EPC2: variants seen among roughly 807,000 people sequenced by gnomAD.
EPC2 encodes the protein enhancer of polycomb homolog 2.
A neutral mutation model predicts 92.1 loss-of-function variants in EPC2; 14 were observed. The ratio of observed to expected loss-of-function variants is 0.15; its 90% CI spans 0.10 to 0.24. EPC2 has a LOEUF of 0.24. Ranked by LOEUF, EPC2 falls within the 10% of genes least tolerant of loss-of-function variation. EPC2 has a pLI of 1.00. For missense variants in EPC2, 755 were observed against 971.5 expected (o/e 0.78, Z 2.96); for synonymous variants, 340 against 334.7 (o/e 1.02, Z -0.17).
chr2:148,656,403 AAAAT>A (rs61565538), intron 1 of EPC2, among the ~76,000 whole-genome samples: 26,646 of 152,020 alleles, frequency 0.18, 3,095 homozygotes, highest in East Asian at 0.48. Flanking sequence ...TTAATTATTA[AAAAT>A]GTGACTTGTC....
chr2:148,691,934 T>C, intron 2 of EPC2: 1 of 426,124 alleles, frequency 2.3e-6, no homozygotes, highest in Non-Finnish European at 4.5e-6. Context: ...CTTTTTTCTT[T>C]CTTATGGTAT....
At chr2:148,652,048 A>G (rs1174836697) in intron 1 of EPC2, among the ~76,000 whole-genome samples, 1 of 152,186 alleles carries the variant, frequency 6.6e-6, no homozygotes, top group Non-Finnish European at 1.5e-5. Context: ...TTACTGTTCT[A>G]TCATTTATTT....
chr2:148,679,176 A>G (rs1681339442), intron 1 of EPC2, among the ~76,000 whole-genome samples: 2 of 152,216 alleles, frequency 1.3e-5, no homozygotes, highest in Admixed American at 6.5e-5. Flanking sequence ...ATATGCTGCC[A>G]TTTAGCTCAG....
chr2:148,781,885 T>G (rs1488528189), intron 11 of EPC2, 105 bp downstream of exon 11: 12 of 1,337,058 alleles, frequency 9.0e-6, no homozygotes, highest in Admixed American at 4.5e-5. Context: ...TTGCCACTCT[T>G]GATTTGGGGT....
intron 3 of EPC2, among the ~76,000 whole-genome samples, chr2:148,750,957 C>G (rs1383689229): frequency 1.3e-5 from 2 of 152,126 alleles, no homozygotes; most frequent in Non-Finnish European, 2.9e-5. Flanking sequence ...TTGTCCTACT[C>G]TGCCCTGTAT....
intron 13 of EPC2, among the ~76,000 whole-genome samples, chr2:148,785,851 A>C (rs1242553712): frequency 3.3e-5 from 5 of 152,182 alleles, no homozygotes; most frequent in Admixed American, 6.5e-5. Flanking sequence ...ATGAATCAGA[A>C]AAAAATTGAT....
chr2:148,785,985 GA>G (rs961544392), intron 13 of EPC2, among the ~76,000 whole-genome samples: 7 of 144,890 alleles, frequency 4.8e-5, no homozygotes, highest in Admixed American at 6.9e-5. Flanking sequence ...CATCTCTCGA[GA>G]AAAAAAAAAG....
At chr2:148,708,989 G>A (rs1251698262) in intron 2 of EPC2, among the ~76,000 whole-genome samples, 1 of 152,110 alleles carries the variant, frequency 6.6e-6, no homozygotes, top group African/African-American at 2.4e-5. Flanking sequence ...TGGAAGTTCT[G>A]GCCAGGGCAG....
At chr2:148,691,567 G>C (rs1681644509) in intron 2 of EPC2, 1 of 1,550,510 alleles carries the variant, frequency 6.4e-7, no homozygotes, top group Non-Finnish European at 8.7e-7. Flanking sequence ...AATTGCTGTT[G>C]TTCAGGATTG....
At chr2:148,679,483 A>G (rs1175454440) in intron 1 of EPC2, among the ~76,000 whole-genome samples, 1 of 152,212 alleles carries the variant, frequency 6.6e-6, no homozygotes, top group Non-Finnish European at 1.5e-5. Flanking sequence ...GCAAGGTGAC[A>G]TTGTATATTT....
chr2:148,660,965 T>C (rs1680920701), intron 1 of EPC2, among the ~76,000 whole-genome samples: 1 of 152,124 alleles, frequency 6.6e-6, no homozygotes, highest in African/African-American at 2.4e-5. Context: ...TATTATCTTA[T>C]CTTTTATCAT....
At chr2:148,768,391 A>G (rs945141253) in intron 7 of EPC2, among the ~76,000 whole-genome samples, 9 of 152,222 alleles carry the variant, frequency 5.9e-5, no homozygotes, top group East Asian at 5.8e-4. Flanking sequence ...TAATAGGTCA[A>G]TGCTACTGCC....
At chr2:148,698,940 A>G (rs1226720474) in intron 2 of EPC2, among the ~76,000 whole-genome samples, 3 of 151,776 alleles carry the variant, frequency 2.0e-5, no homozygotes, top group Admixed American at 2.0e-4. Context: ...TTGTAATCAA[A>G]TAATTTTAAT....
Position 148,771,126 on chromosome 2 carries a change from T to C in EPC2, c.1459T>C (p.Ser487Pro). 6.2e-7 allele frequency: 1 copy of C among 1,613,862 alleles called. No individual in the cohort carries two copies. The highest frequency in any genetic ancestry group is 1.1e-5 in the South Asian group (1 of 91,066). The change falls in exon 10 of 14, where the codon TCT becomes CCT. Residue 487 changes from serine (S) to proline (P), a missense_variant. Physicochemically the swap from Ser to Pro is moderately conservative, Grantham distance 74. Around this residue, in one of 4 missense-constraint regions of EPC2, gnomAD observed 509 missense variants for 607.7 expected, o/e 0.84. Coordinates refer to ENST00000258484, the MANE Select transcript of EPC2 (RefSeq NM_015630.4). ...DPEMLNSFSS[S>P]SQTIDFSSNF... ...TGAAATGCTGAATAGTTTTTCAAGC[T>C]CTTCCCAAACTATAGACTTTTCTTC...
Position 148,784,884 on chromosome 2 carries a change from A to G in EPC2, c.2234A>G (p.His745Arg), listed in dbSNP as rs1487232215. ...AGTGTTGTTTCTCCAGTCAATGTGC[A>G]TATCAATACACGGACTTCAGCACCA... is the stretch of plus-strand genomic sequence containing the variant. ...NVSVVSPVNV[H>R]INTRTSAPSP... The change falls in exon 13 of 14, where the codon CAT becomes CGT. Residue 745 changes from histidine to arginine, a missense_variant. This residue lies in a region of EPC2 where 207 missense variants were observed against 260.5 expected (regional missense o/e 0.79). Coordinates refer to ENST00000258484, the MANE Select transcript of EPC2 (RefSeq NM_015630.4). 17 of 1,611,204 alleles carry G rather than the reference A, an allele frequency of 1.1e-5. No individual in the cohort carries two copies. The highest frequency in any genetic ancestry group is 1.3e-5 in the Non-Finnish European group (15 of 1,178,392).
chr2:148,703,791 A>G (rs559565911), intron 2 of EPC2, among the ~76,000 whole-genome samples: 1 of 152,296 alleles, frequency 6.6e-6, no homozygotes, highest in South Asian at 2.1e-4. Context: ...TTGGACCCCC[A>G]AAGTGTTGGG....
intron 2 of EPC2, among the ~76,000 whole-genome samples, chr2:148,701,519 G>C (rs556475511): frequency 6.6e-6 from 1 of 152,068 alleles, no homozygotes; most frequent in South Asian, 2.1e-4. Flanking sequence ...ATGCTCATGT[G>C]ATTTTTCTTC....
chr2:148,761,883 A>G lies in EPC2; in HGVS notation c.768A>G (p.Lys256=). ...TILEMIKRRE[K]TKRELLHLTL... is the part of the protein sequence containing the mutation. ...TGGAAATGATTAAGAGAAGAGAGAA[A>G]ACAAAACGAGAATTATTGCACTTAA... The change falls in exon 5 of 14, where the codon AAA becomes AAG. Residue 256 remains lysine, a synonymous_variant. Coordinates refer to ENST00000258484, the MANE Select transcript of EPC2 (RefSeq NM_015630.4). The G allele has an allele frequency of 2.5e-6, 4 of 1,600,322 alleles. No individual in the cohort carries two copies. Among genetic ancestry groups the G allele is most frequent in the Non-Finnish European group, 3.4e-6 (4 of 1,175,388 alleles).
At chr2:148,737,403 C>T (rs995485511) in intron 2 of EPC2, among the ~76,000 whole-genome samples, 1 of 152,050 alleles carries the variant, frequency 6.6e-6, no homozygotes, top group African/African-American at 2.4e-5. Context: ...TGCCTCCCCA[C>T]ACAGTCTTAT....
Sources: allele counts gnomAD v4.1 joint callset (sites outside exome capture counted in the v4.1 genomes callset), GRCh38; gene constraint gnomAD v4.1.1; regional missense constraint gnomAD v4.1.1; transcripts MANE v1.5; gene names NCBI Gene and HGNC (gene_info 2026-07-23, HGNC 2026-07-21).